The following CFAP70 variants were observed in gnomAD, a reference collection of about 807,000 sequenced individuals.
CFAP70 encodes the protein cilia and flagella associated protein 70.
A neutral mutation model predicts 137.6 loss-of-function variants in CFAP70; 81 were observed. That is an observed-to-expected ratio of 0.59 (90% CI 0.49 to 0.71). The LOEUF (loss-of-function observed/expected upper bound fraction) is 0.71. Among genes scored for constraint, CFAP70 ranks in the 30% least tolerant of loss-of-function variants. The pLI is 0.00. For missense variants in CFAP70, 976 were observed against 1,226.7 expected (o/e 0.80, Z 3.05); for synonymous variants, 382 against 423.6 (o/e 0.90, Z 1.20).
intron 25 of CFAP70, among the ~76,000 whole-genome samples, chr10:73,267,568 G>A (rs547463322): frequency 5.9e-5 from 9 of 152,324 alleles, no homozygotes; most frequent in African/African-American, 2.2e-4. Context: ...ACATTGCAAA[G>A]GATGTGGACA....
chr10:73,353,154 C>G (rs1446087789), intron 3 of CFAP70, among the ~76,000 whole-genome samples: 3 of 152,132 alleles, frequency 2.0e-5, no homozygotes, highest in East Asian at 3.8e-4. Context: ...TTTTTCTCTA[C>G]CCAGGATCTA....
Position 73,274,722 on chromosome 10 carries a change from C to T in CFAP70, c.2674-128G>A, listed in dbSNP as rs554356884. ...TTTCTCTTTTCTTTTTCAGATCAAC[C>T]GTTTTCTTTTTCTAAGAGCACTCAG... On this transcript the variant is annotated intron_variant, in intron 22 of 26. Coordinates refer to ENST00000310715, the Ensembl canonical transcript of CFAP70. The T allele has an allele frequency of 1.8e-5, 16 of 912,380 alleles. No homozygotes were observed. The South Asian group carries it at 3.1e-4, about 18-fold the overall frequency. The allele number at this position is 912,380 out of a possible 1,614,324, so 56.5% of individuals were successfully genotyped here. A position where few individuals can be genotyped will look rare whatever the true frequency, so the allele number is the denominator to read the frequency against.
intron 25 of CFAP70, among the ~76,000 whole-genome samples, chr10:73,261,293 A>G (rs2045156164): frequency 4.6e-5 from 7 of 152,098 alleles, no homozygotes. Context: ...CCCCTGGCTA[A>G]TCTTTGTATT....
chr10:73,313,398 C>T (rs1170812772), intron 9 of CFAP70, among the ~76,000 whole-genome samples: 1 of 145,650 alleles, frequency 6.9e-6, no homozygotes, highest in Admixed American at 6.8e-5. Flanking sequence ...AAAAAATCAG[C>T]GAGGTATGGT....
rs147755997 is a variant in CFAP70 at position 73,303,362 on chromosome 10, C to T, written c.1257-3697G>A. Among the ~76,000 whole-genome samples, 1,457 of 152,164 alleles carry T rather than the reference C, an allele frequency of 9.6e-3. 30 individuals carry two copies. The highest frequency in any genetic ancestry group is 0.056 in the East Asian group (290 of 5,166). On this transcript the variant is annotated intron_variant, in intron 12 of 26. Coordinates refer to ENST00000310715, the Ensembl canonical transcript of CFAP70. ...CCTCCTGAGTAGCTGGGACTACAGA[C>T]GCCCGCCACCACGCCCGGCTAATTT...
chr10:73,291,470 C>T (rs1441328888), intron 18 of CFAP70, 26 bp from the exon 20 acceptor site: 1 of 1,595,686 alleles, frequency 6.3e-7, no homozygotes, highest in Non-Finnish European at 8.6e-7. Flanking sequence ...TGTTGAAATA[C>T]ATATGACTAT....
At chr10:73,316,469 TATATATATATAGATATAG>T (rs1483151952) in intron 9 of CFAP70, among the ~76,000 whole-genome samples, 97 of 116,504 alleles carry the variant, frequency 8.3e-4, no homozygotes, top group East Asian at 5.0e-3. Flanking sequence ...TTGAGATATA[TATATATATATAGATATAG>T]ATATATATAT....
intron 25 of CFAP70, among the ~76,000 whole-genome samples, chr10:73,266,780 A>G (rs2045816166): frequency 1.3e-5 from 2 of 152,170 alleles, no homozygotes; most frequent in Admixed American, 6.5e-5. Context: ...CATTTTAAAC[A>G]AAATTCTTAG....
At position 73,343,066 on chromosome 10, in the gene CFAP70, C is replaced by T. The variant is rs190405855; in HGVS notation, c.400-1485G>A. On this transcript the variant is annotated intron_variant, in intron 5 of 26. Coordinates refer to ENST00000310715, the Ensembl canonical transcript of CFAP70. ...TCTACTAAAAATACAAAAAATTAGC[C>T]GGGCCTGGTGGCGGGTGCCTGTAGT... 1.9e-3 allele frequency among the ~76,000 whole-genome samples: 296 copies of T among 152,102 alleles called. 2 individuals carry two copies. Among genetic ancestry groups the T allele is most frequent in the African/African-American group, 6.9e-3 (288 of 41,520 alleles).
chr10:73,360,536 ACCACTCT>A (rs1465403082), upstream of CFAP70, among the ~76,000 whole-genome samples: 1 of 152,156 alleles, frequency 6.6e-6, no homozygotes, highest in African/African-American at 2.4e-5. Context: ...CACACGCATA[ACCACTCT>A]CCCTGGGAAG....
chr10:73,314,390 C>A (rs569346711), intron 9 of CFAP70, among the ~76,000 whole-genome samples: 57 of 152,218 alleles, frequency 3.7e-4, no homozygotes, highest in Admixed American at 5.9e-4. Context: ...ACAATCCTAC[C>A]ACCTCTGTGA....
intron 3 of CFAP70, among the ~76,000 whole-genome samples, chr10:73,348,827 C>G (rs1017537619): frequency 6.6e-6 from 1 of 152,104 alleles, no homozygotes; most frequent in Non-Finnish European, 1.5e-5. Context: ...CTTTGGGAGG[C>G]CAAGGCGGGC....
At chr10:73,336,513 TA>T (rs1423796705) in intron 6 of CFAP70, among the ~76,000 whole-genome samples, 2 of 152,046 alleles carry the variant, frequency 1.3e-5, no homozygotes, top group African/African-American at 2.4e-5. Context: ...ATTATTTTAT[TA>T]AATGTTTCCA....
intron 9 of CFAP70, among the ~76,000 whole-genome samples, chr10:73,313,460 T>G (rs1430755354): frequency 6.7e-6 from 1 of 149,780 alleles, no homozygotes; most frequent in East Asian, 2.0e-4. Flanking sequence ...GGAGAATCAC[T>G]TGAACCCAAG....
intron 24 of CFAP70, among the ~76,000 whole-genome samples, chr10:73,272,180 C>A (rs1428690436): frequency 6.6e-6 from 1 of 151,884 alleles, no homozygotes; most frequent in Non-Finnish European, 1.5e-5. Context: ...ACTAAAAATA[C>A]AAAAATTAGC....
intron 3 of CFAP70, among the ~76,000 whole-genome samples, 166 bp from the exon 4 acceptor site, chr10:73,348,687 C>A (rs532580459): frequency 6.6e-6 from 1 of 152,312 alleles, no homozygotes; most frequent in Admixed American, 6.5e-5. Context: ...TACTGGACCA[C>A]TTCAGTGACT....
intron 8 of CFAP70, among the ~76,000 whole-genome samples, chr10:73,328,202 G>A (rs1289399322): frequency 6.6e-6 from 1 of 152,054 alleles, no homozygotes; most frequent in Non-Finnish European, 1.5e-5. Context: ...ACAACTATCT[G>A]ATCTTTGACA....
chr10:73,313,453 G>C (rs566011571), intron 9 of CFAP70, among the ~76,000 whole-genome samples: 2 of 147,852 alleles, frequency 1.4e-5, no homozygotes, highest in Non-Finnish European at 3.0e-5. Flanking sequence ...TGAGGTGGGA[G>C]AATCACTTGA....
intron 9 of CFAP70, among the ~76,000 whole-genome samples, chr10:73,321,546 G>T (rs570049115): frequency 1.3e-5 from 2 of 152,098 alleles, no homozygotes; most frequent in African/African-American, 4.8e-5. Flanking sequence ...CTGAAAAATA[G>T]CTGTCCTAAT....
Sources: gnomAD v4.1 joint callset for allele counts (sites outside exome capture counted in the v4.1 genomes callset) on GRCh38, gnomAD v4.1.1 for gene constraint, MANE v1.5 for transcripts, NCBI Gene and HGNC (gene_info 2026-07-23, HGNC 2026-07-21) for gene names.